SCARB2: variants seen among roughly 807,000 people sequenced by gnomAD.
The protein encoded by SCARB2 is scavenger receptor class B member 2.
SCARB2 carries 29 observed loss-of-function variants against 58.6 expected under a neutral mutation model. The ratio of observed to expected loss-of-function variants is 0.49; its 90% confidence interval spans 0.37 to 0.67. The LOEUF is 0.67. SCARB2 is among the 30% of genes least tolerant of loss of function. SCARB2 has a pLI of 0.00. For missense variants in SCARB2, 488 were observed against 578.5 expected, an observed-to-expected ratio of 0.84 and a Z score of 1.60; for synonymous variants, 195 against 210.1, an observed-to-expected ratio of 0.93 and a Z score of 0.62.
In SCARB2 at chr4:76,195,751, T is replaced by A; in HGVS notation, c.231A>T (p.Arg77Ser). Residue 77 changes from arginine to serine, a missense_variant, in exon 2 of 12, where the codon AGA becomes AGT. By Grantham distance (110) the Arg-to-Ser change is moderately radical (BLOSUM62 -1). Coordinates refer to ENST00000264896, the MANE Select transcript of SCARB2 (RefSeq NM_005506.4). Reference protein sequence around the residue: ...FNVTNPEEILRGETPRVEEVG... With the variant: ...FNVTNPEEILSGETPRVEEVG... ...CTTCTTCCACCCGAGGGGTCTCCCCTCTGAGGATCTCCTCTGGATTGGTGA... is the reference window on the plus strand; with the variant it reads ...CTTCTTCCACCCGAGGGGTCTCCCCACTGAGGATCTCCTCTGGATTGGTGA... The A allele has an allele frequency of 6.2e-7, 1 of 1,614,086 alleles. No individual in the cohort carries two copies. The highest frequency in any genetic ancestry group is 8.5e-7 in the Non-Finnish European group (1 of 1,179,962).
At chr4:76,182,601 G>C (rs936672315) in intron 2 of SCARB2, among the ~76,000 whole-genome samples, 2 of 152,168 alleles carry the variant, frequency 1.3e-5, no homozygotes, top group Admixed American at 1.3e-4. Context: ...CTCCTCTGAG[G>C]CCTTTCCCAA....
intron 1 of SCARB2, among the ~76,000 whole-genome samples, chr4:76,231,527 AAAACAAAC>A (rs58077932): frequency 6.6e-6 from 1 of 151,780 alleles, no homozygotes; most frequent in Admixed American, 6.6e-5. Context: ...ATTTTTGTTA[AAAACAAAC>A]AAACAAACAA....
intron 1 of SCARB2, among the ~76,000 whole-genome samples, chr4:76,204,803 A>C (rs149042158): frequency 6.6e-6 from 1 of 152,186 alleles, no homozygotes; most frequent in Non-Finnish European, 1.5e-5. Flanking sequence ...GGTTGTGATT[A>C]TATCTCTCAA....
At chr4:76,164,289 C>T (rs1731956648) in intron 10 of SCARB2, 1 of 152,312 alleles carries the variant, frequency 6.6e-6, no homozygotes, top group Non-Finnish European at 1.5e-5. Context: ...AGGCGGATTG[C>T]TTGAGCTCAA....
At chr4:76,204,138 A>T (rs916879312) in intron 1 of SCARB2, among the ~76,000 whole-genome samples, 1 of 152,312 alleles carries the variant, frequency 6.6e-6, no homozygotes, top group African/African-American at 2.4e-5. Context: ...AAAACTCATC[A>T]AATGGCAAAA....
chr4:76,231,313 A>C (rs1733488497), intron 1 of SCARB2, among the ~76,000 whole-genome samples: 1 of 152,158 alleles, frequency 6.6e-6, no homozygotes, highest in Middle Eastern at 3.2e-3. Context: ...AATTCCTCAG[A>C]ATTAGAATGT....
chr4:76,200,551 A>C (rs998187035), intron 1 of SCARB2, among the ~76,000 whole-genome samples: 2 of 152,276 alleles, frequency 1.3e-5, no homozygotes, highest in Non-Finnish European at 2.9e-5. Context: ...TATGCCCTGC[A>C]AACAGGCATA....
At chr4:76,195,441 A>G (rs2109960594) in intron 2 of SCARB2, 1 of 481,024 alleles carries the variant, frequency 2.1e-6, no homozygotes, top group East Asian at 3.9e-5. Context: ...GTAACCCTTC[A>G]TGGTTTAATA....
intron 2 of SCARB2, among the ~76,000 whole-genome samples, chr4:76,189,155 G>A (rs1732548812): frequency 1.3e-5 from 2 of 152,284 alleles, no homozygotes; most frequent in East Asian, 3.9e-4. Flanking sequence ...GACAGTCAGA[G>A]ACCAAAGGAC....
intron 1 of SCARB2, among the ~76,000 whole-genome samples, chr4:76,232,002 G>T (rs1042097936): frequency 6.6e-6 from 1 of 152,156 alleles, no homozygotes; most frequent in African/African-American, 2.4e-5. Flanking sequence ...GAGAGAAGTG[G>T]ATTCCTATTG....
chr4:76,161,855 C>A, intron 11 of SCARB2, 104 bp from the exon 12 acceptor site: 1 of 1,081,656 alleles, frequency 9.2e-7, no homozygotes, highest in Non-Finnish European at 1.4e-6. Context: ...GAGGAGAGAC[C>A]TATAGGAAGG....
intron 1 of SCARB2, among the ~76,000 whole-genome samples, chr4:76,229,480 G>A (rs886415447): frequency 6.6e-6 from 1 of 152,148 alleles, no homozygotes; most frequent in African/African-American, 2.4e-5. Flanking sequence ...CTGTTTCAGT[G>A]GAAAAAGCTG....
chr4:76,163,475 G>T, intron 10 of SCARB2, 92 bp from the exon 11 acceptor site: 1 of 1,414,648 alleles, frequency 7.1e-7, no homozygotes, highest in Non-Finnish European at 9.9e-7. Context: ...ATACAATTTG[G>T]GAATGTCCTC....
rs1420110867 is a variant in SCARB2, at chr4:76,158,785, G to C, written c.*2928C>G. On this transcript the variant is annotated 3_prime_UTR_variant, in exon 12 of 12. Coordinates refer to ENST00000264896, the MANE Select transcript of SCARB2 (RefSeq NM_005506.4). ...TAATGAAACATTTCATTGCATTAAGGGTAGAAATAAACATGTCAAGAACCG... is the reference window on the plus strand; with the variant it reads ...TAATGAAACATTTCATTGCATTAAGCGTAGAAATAAACATGTCAAGAACCG... 1 of 152,150 alleles carries C rather than the reference G, an allele frequency of 6.6e-6. No individual in the cohort carries two copies. Among genetic ancestry groups the C allele is most frequent in the African/African-American group, 2.4e-5 (1 of 41,424 alleles). 9.4% of individuals were successfully genotyped at this position (152,150 alleles called of 1,614,324 possible).
rs6532269 is a variant in SCARB2, at chr4:76,233,170, C to A, written c.-358+1133G>T. Among the ~76,000 whole-genome samples, 273 of 152,280 alleles carry A rather than the reference C, an allele frequency of 1.8e-3. 1 individual carries two copies. The highest frequency in any genetic ancestry group is 6.8e-3 in the Middle Eastern group (2 of 294). On this transcript the variant is annotated intron_variant, in intron 1 of 11. Transcript: ENST00000638295. ...CAATTACATGTTGTAATGGTAACTCCTAGAATTTTTAACGTTAATTTAAAA... is the reference window on the plus strand; with the variant it reads ...CAATTACATGTTGTAATGGTAACTCATAGAATTTTTAACGTTAATTTAAAA...
At chr4:76,201,869 C>T (rs1732834939) in intron 1 of SCARB2, among the ~76,000 whole-genome samples, 1 of 152,168 alleles carries the variant, frequency 6.6e-6, no homozygotes, top group Admixed American at 6.5e-5. Flanking sequence ...ATAGGATTTT[C>T]ACAACCTTAA....
intron 1 of SCARB2, among the ~76,000 whole-genome samples, chr4:76,230,307 A>T (rs1302814473): frequency 1.3e-5 from 2 of 152,146 alleles, no homozygotes; most frequent in African/African-American, 2.4e-5. Flanking sequence ...GAAAGCCAGT[A>T]ACAATAGGCC....
chr4:76,200,675 C>T (rs1426061213), intron 1 of SCARB2, among the ~76,000 whole-genome samples: 2 of 152,132 alleles, frequency 1.3e-5, no homozygotes, highest in African/African-American at 4.8e-5. Context: ...CAGCTTATGC[C>T]TGAAATTATT....
rs556587103 is a variant in SCARB2 at position 76,202,891 on chromosome 4, C to T, written c.118-7027G>A. On this transcript the variant is annotated intron_variant, in intron 1 of 11. Transcript: ENST00000264896. ...GTATTAGTATATTTAAAAAAATATA[C>T]TAAATCAGTTTATTTAATCATTCTT... Among the ~76,000 whole-genome samples, 316 of 152,228 alleles carry T rather than the reference C, an allele frequency of 2.1e-3. 5 individuals carry two copies. The highest frequency in any genetic ancestry group is 6.0e-3 in the South Asian group (29 of 4,826).
Sources: gnomAD v4.1 joint callset for allele counts (sites outside exome capture counted in the v4.1 genomes callset) on GRCh38, gnomAD v4.1.1 for gene constraint, MANE v1.5 for transcripts, NCBI Gene and HGNC (gene_info 2026-07-23, HGNC 2026-07-21) for gene names.